IL17RD: variants seen among roughly 807,000 people sequenced by gnomAD.
IL17RD encodes interleukin 17 receptor D.
IL17RD carries 52 observed loss-of-function variants against 80.5 expected under a neutral mutation model. The ratio of observed to expected loss-of-function variants is 0.65; its 90% CI spans 0.52 to 0.81. The LOEUF (loss-of-function observed/expected upper bound fraction) is 0.81. Among genes scored for constraint, IL17RD ranks in the 40% least tolerant of loss-of-function variants. The probability of loss-of-function intolerance (pLI) is 0.00; values close to 1 mark genes in which losing one functional copy is unlikely to be tolerated. For missense variants in IL17RD, 1,024 were observed against 955.1 expected, an observed-to-expected ratio of 1.07 and a Z score of -0.95; for synonymous variants, 416 against 391.8, an observed-to-expected ratio of 1.06 and a Z score of -0.73.
At chr3:57,107,462 A>C (rs4681953) in intron 5 of IL17RD, among the ~76,000 whole-genome samples, 103,189 of 152,006 alleles carry the variant, frequency 0.68, 36,133 homozygotes, top group Non-Finnish European at 0.74. Flanking sequence ...CTGCAGAGGG[A>C]AACATTGATG....
chr3:57,163,797 G>T, intron 1 of IL17RD, among the ~76,000 whole-genome samples: 1 of 118,898 alleles, frequency 8.4e-6, no homozygotes, highest in African/African-American at 3.2e-5. Context: ...GGGGGGCGGG[G>T]GGGGAAGGGG....
At chr3:57,131,487 A>C (rs1707608126) in intron 1 of IL17RD, among the ~76,000 whole-genome samples, 3 of 152,224 alleles carry the variant, frequency 2.0e-5, no homozygotes. Context: ...GTGTTCATGG[A>C]CTGAAGTACA....
chr3:57,109,423 G>A (rs1213063923), intron 5 of IL17RD, 114 bp downstream of exon 5: 6 of 1,137,248 alleles, frequency 5.3e-6, no homozygotes, highest in African/African-American at 1.6e-5. Flanking sequence ...GGGATTAGAG[G>A]TGTGAGCCAC....
intron 1 of IL17RD, among the ~76,000 whole-genome samples, chr3:57,127,273 A>T (rs202071626): frequency 0.038 from 3,040 of 80,494 alleles, 383 homozygotes; most frequent in East Asian, 0.18. Context: ...AATATATATA[A>T]AAATATATAT....
intron 11 of IL17RD, among the ~76,000 whole-genome samples, chr3:57,099,396 G>C (rs1706776020): frequency 6.6e-6 from 1 of 152,198 alleles, no homozygotes; most frequent in Non-Finnish European, 1.5e-5. Context: ...CACCTTCTCA[G>C]ACCACTTTTA....
intron 7 of IL17RD, among the ~76,000 whole-genome samples, chr3:57,105,552 A>AAAAAAAAAAT: frequency 2.0e-4 from 13 of 63,590 alleles, no homozygotes; most frequent in South Asian, 6.2e-4. Context: ...AAAAAAAAAA[A>AAAAAAAAAAT]ATATATATAT....
intron 1 of IL17RD, among the ~76,000 whole-genome samples, chr3:57,148,806 C>T (rs759254722): frequency 2.6e-4 from 39 of 152,318 alleles, no homozygotes; most frequent in Admixed American, 7.2e-4. Context: ...TCTAGGGAGG[C>T]AGGTGGGCCC....
intron 1 of IL17RD, among the ~76,000 whole-genome samples, chr3:57,140,859 T>C (rs1707814849): frequency 6.6e-6 from 1 of 152,090 alleles, no homozygotes; most frequent in Non-Finnish European, 1.5e-5. Context: ...TGAACATTTA[T>C]TATGCAGTAG....
At chr3:57,113,543 GT>G (rs1291317054) in intron 3 of IL17RD, among the ~76,000 whole-genome samples, 1 of 151,864 alleles carries the variant, frequency 6.6e-6, no homozygotes, top group Non-Finnish European at 1.5e-5. Flanking sequence ...AGCCTGTTTT[GT>G]TTTATAAAGA....
At position 57,097,666 on chromosome 3, in the gene IL17RD, C is replaced by T. The variant is rs886369720; in HGVS notation, c.2037G>A (p.Met679Ile). Residue 679 changes from methionine to isoleucine, a missense_variant, in exon 12 of 13, where the codon ATG (methionine) becomes ATA (isoleucine). Coordinates refer to ENST00000296318, the MANE Select transcript of IL17RD (RefSeq NM_017563.5). ...VPSSELSLPL[M>I]EGLSTDQTET... is the part of the protein sequence containing the mutation. ...CTGTCTGGTCCGTCGAGAGTCCTTC[C>T]ATCAGTGGCAGAGACAGCTCGGATG... is the stretch of plus-strand genomic sequence containing the variant. 5 of 1,604,158 alleles carry T rather than the reference C, an allele frequency of 3.1e-6. No homozygotes were observed. The East Asian group carries it at 1.1e-4, about 36-fold the overall frequency.
chr3:57,113,549 TA>T (rs1689637680), intron 3 of IL17RD, among the ~76,000 whole-genome samples: 1 of 152,102 alleles, frequency 6.6e-6, no homozygotes, highest in Non-Finnish European at 1.5e-5. Context: ...TTTTGTTTTA[TA>T]AAGAGACAGG....
chr3:57,131,139 C>T (rs963650841), intron 1 of IL17RD, among the ~76,000 whole-genome samples: 1 of 150,736 alleles, frequency 6.6e-6, no homozygotes, highest in South Asian at 2.1e-4. Context: ...CCCTCCCCCA[C>T]CCCCTCCTAC....
At chr3:57,142,464 T>C in intron 1 of IL17RD, 2 of 1,277,784 alleles carry the variant, frequency 1.6e-6, no homozygotes, top group Non-Finnish European at 2.0e-6. Context: ...TGCTCTCCAC[T>C]GACAAACAAC....
In IL17RD at chr3:57,105,944, A is replaced by G. The variant is rs1545981; in HGVS notation, c.660T>C (p.His220=). The change falls in exon 7 of 13, where the codon CAT becomes CAC. Residue 220 remains histidine, a synonymous_variant. Transcript: ENST00000296318. ...AACGGAAGCCGAAGTTGTGCGGTGC[A>G]TGGTCGAAGGACACCTGCATGTCCG... ...HGSDMQVSFD[H]APHNFGFRFF... The G allele has an allele frequency of 0.89, 1,430,633 of 1,613,610 alleles. 638,476 individuals are homozygous for G. Among genetic ancestry groups the G allele is most frequent in the South Asian group, 0.96 (87,337 of 91,072 alleles).
intron 1 of IL17RD, among the ~76,000 whole-genome samples, chr3:57,155,179 G>C (rs544717510): frequency 2.0e-5 from 3 of 152,344 alleles, no homozygotes; most frequent in East Asian, 1.9e-4. Context: ...ACAAAAACGA[G>C]ACCTGCACCT....
chr3:57,148,399 T>A (rs1405952817), intron 1 of IL17RD, among the ~76,000 whole-genome samples: 1 of 152,020 alleles, frequency 6.6e-6, no homozygotes, highest in Non-Finnish European at 1.5e-5. Context: ...ATTTTTACGC[T>A]TTCAAGTCAG....
chr3:57,145,641 A>T (rs754986886), intron 1 of IL17RD, among the ~76,000 whole-genome samples: 1 of 152,230 alleles, frequency 6.6e-6, no homozygotes, highest in Non-Finnish European at 1.5e-5. Context: ...TCTAGGTAGC[A>T]AAAGAGGTGG....
intron 1 of IL17RD, among the ~76,000 whole-genome samples, chr3:57,158,745 G>A (rs2060284690): frequency 6.6e-6 from 1 of 152,176 alleles, no homozygotes; most frequent in Non-Finnish European, 1.5e-5. Context: ...CAAAAACATG[G>A]TACAAATGGA....
chr3:57,136,186 C>T (rs543733577), intron 1 of IL17RD, among the ~76,000 whole-genome samples: 8 of 152,298 alleles, frequency 5.3e-5, no homozygotes, highest in African/African-American at 1.9e-4. Flanking sequence ...AGACCTCCAA[C>T]TCTTTCCAGA....
Sources: allele counts gnomAD v4.1 joint callset (sites outside exome capture counted in the v4.1 genomes callset), GRCh38; gene constraint gnomAD v4.1.1; transcripts MANE v1.5; gene names NCBI Gene and HGNC (gene_info 2026-07-23, HGNC 2026-07-21).